The following TPTE variants were observed in gnomAD, a reference collection of about 807,000 sequenced individuals.
TPTE encodes transmembrane phosphatase with tensin homology, also known as putative tyrosine-protein phosphatase TPTE.
TPTE carries 59 observed loss-of-function variants against 84.1 expected under a neutral mutation model. That is an observed-to-expected ratio of 0.70 (90% CI 0.57 to 0.87). TPTE has a LOEUF of 0.87. Ranked by LOEUF, TPTE falls within the 40% of genes least tolerant of loss-of-function variation. TPTE has a pLI of 0.00. For missense variants in TPTE, 382 were observed against 659.6 expected, an observed-to-expected ratio of 0.58 and a Z score of 4.61; for synonymous variants, 130 against 223.5, an observed-to-expected ratio of 0.58 and a Z score of 3.73.
intron 5 of TPTE, among the ~76,000 whole-genome samples, chr21:10,541,955 C>T (rs986501248): frequency 2.6e-5 from 4 of 152,420 alleles, no homozygotes; most frequent in South Asian, 2.1e-4. Flanking sequence ...GGATTGTGCC[C>T]CTGTGTCAGA....
At chr21:10,533,151 C>G (rs1472324066) in intron 3 of TPTE, among the ~76,000 whole-genome samples, 1 of 152,306 alleles carries the variant, frequency 6.6e-6, no homozygotes, top group Admixed American at 6.5e-5. Flanking sequence ...TTATTCTTTT[C>G]TACTATTTTC....
rs1568960298 is a variant in TPTE, at chr21:10,542,439, CGAAA to C, written c.116_119del (p.Glu39AlafsTer21). 1.9e-6 allele frequency: 3 copies of C among 1,610,840 alleles called. No homozygotes were observed. The highest frequency in any genetic ancestry group is 1.3e-5 in the African/African-American group (1 of 74,882). ...AAAGGAGCAACCGAGGAGGCACCTG[CGAAA>C]GAAAGGTGAGCAATAAATAGTTAAA... On this transcript the variant is annotated frameshift_variant, in exon 6 of 24. Coordinates refer to ENST00000618007, the MANE Select transcript of TPTE (RefSeq NM_199261.4). LOFTEE classifies it high-confidence loss of function.
intron 3 of TPTE, among the ~76,000 whole-genome samples, chr21:10,536,044 A>G (rs2074259952): frequency 6.6e-6 from 1 of 152,308 alleles, no homozygotes; most frequent in Non-Finnish European, 1.5e-5. Context: ...TTGGGAGGCC[A>G]AGACAGCTAG....
In TPTE at chr21:10,566,732, T is replaced by G. The variant is rs868771775; in HGVS notation, c.447-938T>G. The stretch of plus-strand genomic sequence containing the variant: ...TGGCTCATGCCTGTAATCACAGCAC[T>G]TTGGGAGGCTGAGGTGGGCAGATCA... On this transcript the variant is annotated intron_variant, in intron 10 of 23. Transcript: ENST00000618007. Among the ~76,000 whole-genome samples the G allele has an allele frequency of 5.2e-5, 8 of 152,426 alleles. No individual in the cohort carries two copies. In the East Asian group the frequency reaches 9.6e-4, roughly 18 times the overall value.
At chr21:10,569,616 T>C (rs2075000878) in intron 12 of TPTE, 67 bp from the exon 13 acceptor site, 2 of 1,613,852 alleles carry the variant, frequency 1.2e-6, no homozygotes, top group Non-Finnish European at 1.7e-6. Flanking sequence ...ATATCTATAC[T>C]GTATAATGTT....
intron 17 of TPTE, among the ~76,000 whole-genome samples, chr21:10,587,407 G>T (rs1215836956): frequency 6.6e-6 from 1 of 152,312 alleles, no homozygotes; most frequent in Non-Finnish European, 1.5e-5. Context: ...GTCCATTATT[G>T]CCACCTTGAT....
chr21:10,602,002 T>A (rs1978587239), intron 21 of TPTE, 56 bp from the exon 22 acceptor site: 3 of 1,574,322 alleles, frequency 1.9e-6, no homozygotes. Context: ...GAAAAGGAAC[T>A]TCATTGTTAT....
chr21:10,559,210 TTTAAG>T (rs1265323610), intron 8 of TPTE, among the ~76,000 whole-genome samples: 8 of 152,418 alleles, frequency 5.2e-5, no homozygotes, highest in Admixed American at 3.9e-4. Flanking sequence ...TGACCACCAG[TTTAAG>T]TTTAGTATTG....
At chr21:10,601,189 T>C (rs540753545) in intron 21 of TPTE, among the ~76,000 whole-genome samples, 1 of 152,418 alleles carries the variant, frequency 6.6e-6, no homozygotes, top group East Asian at 1.9e-4. Flanking sequence ...TTCAATACTT[T>C]TTAAAAGTGC....
intron 5 of TPTE, among the ~76,000 whole-genome samples, 179 bp from the exon 6 acceptor site, chr21:10,542,216 G>A (rs371477592): frequency 3.0e-3 from 454 of 152,186 alleles, no homozygotes; most frequent in African/African-American, 0.01. Context: ...TTTGGTTGTC[G>A]CCATATAAAT....
intron 8 of TPTE, among the ~76,000 whole-genome samples, chr21:10,557,239 A>C (rs2074702262): frequency 6.6e-6 from 1 of 152,308 alleles, no homozygotes; most frequent in Non-Finnish European, 1.5e-5. Context: ...CCGAGTGTGA[A>C]CAGTACTTTT....
At chr21:10,525,002 A>C (rs562722374) in intron 2 of TPTE, among the ~76,000 whole-genome samples, 6 of 152,430 alleles carry the variant, frequency 3.9e-5, no homozygotes, top group Admixed American at 6.5e-5. Flanking sequence ...TAATATGCAT[A>C]TACTGGTCAC....
At chr21:10,572,736 C>A (rs1438560953) in intron 14 of TPTE, among the ~76,000 whole-genome samples, 2 of 152,300 alleles carry the variant, frequency 1.3e-5, no homozygotes, top group Non-Finnish European at 2.9e-5. Context: ...CTAGACTGAC[C>A]TTACAAGGAC....
intron 3 of TPTE, among the ~76,000 whole-genome samples, chr21:10,533,794 G>A (rs905006686): frequency 1.3e-5 from 2 of 152,304 alleles, no homozygotes; most frequent in African/African-American, 4.8e-5. Context: ...TTGTGAAAAG[G>A]AAAAGCTTTA....
intron 7 of TPTE, among the ~76,000 whole-genome samples, chr21:10,548,679 C>T (rs1482165350): frequency 6.6e-6 from 1 of 152,310 alleles, no homozygotes; most frequent in African/African-American, 2.4e-5. Context: ...AAGATACCTT[C>T]AGTCCAGCTT....
At chr21:10,589,647 AC>A (rs2075429346) in intron 17 of TPTE, among the ~76,000 whole-genome samples, 1 of 152,310 alleles carries the variant, frequency 6.6e-6, no homozygotes, top group African/African-American at 2.4e-5. Context: ...CTTGGGAGAA[AC>A]AATCTCTTCC....
intron 1 of TPTE, among the ~76,000 whole-genome samples, chr21:10,522,287 T>TCA: frequency 6.6e-6 from 1 of 150,890 alleles, no homozygotes; most frequent in Non-Finnish European, 1.5e-5. Flanking sequence ...GCCGTCACAC[T>TCA]CACGCTGCAC....
At chr21:10,531,404 G>C (rs1382795883) in intron 3 of TPTE, among the ~76,000 whole-genome samples, 1 of 152,310 alleles carries the variant, frequency 6.6e-6, no homozygotes, top group East Asian at 1.9e-4. Context: ...GCACGTGTCA[G>C]TTCCCCTTCA....
intron 7 of TPTE, among the ~76,000 whole-genome samples, chr21:10,548,898 C>G (rs952367328): frequency 2.0e-5 from 3 of 152,308 alleles, no homozygotes; most frequent in African/African-American, 7.2e-5. Flanking sequence ...GGAAGTCATG[C>G]CCTGGTTGAG....
Sources: allele counts gnomAD v4.1 joint callset (sites outside exome capture counted in the v4.1 genomes callset), GRCh38; gene constraint gnomAD v4.1.1; transcripts MANE v1.5; gene names NCBI Gene and HGNC (gene_info 2026-07-23, HGNC 2026-07-21).